Variants in FSTL4 observed in about 807,000 individuals in gnomAD.
FSTL4 encodes follistatin like 4, also known as follistatin-related protein 4.
FSTL4 carries 28 observed loss-of-function variants against 78.2 expected under a neutral mutation model. That is an observed-to-expected ratio of 0.36 (90% confidence interval 0.27 to 0.49). The LOEUF (loss-of-function observed/expected upper bound fraction) is 0.49, where lower values mean the gene tolerates loss of function less well. Ranked by LOEUF, FSTL4 falls within the 20% of genes least tolerant of loss-of-function variation. The probability of loss-of-function intolerance (pLI) is 0.98; values close to 1 mark genes in which losing one functional copy is unlikely to be tolerated. For missense variants in FSTL4, 922 were observed against 1,084.9 expected (o/e 0.85, Z 2.11); for synonymous variants, 422 against 440.5 (o/e 0.96, Z 0.53).
the FSTL4 span, among the ~76,000 whole-genome samples, chr5:133,823,310 G>A: frequency 6.6e-6 from 1 of 152,144 alleles, no homozygotes; most frequent in Non-Finnish European, 1.5e-5. Context: ...AGCCCTGCTG[G>A]TCCCCTGAGC....
intron 3 of FSTL4, among the ~76,000 whole-genome samples, chr5:133,421,194 G>C (rs763540400): frequency 6.6e-6 from 1 of 152,250 alleles, no homozygotes; most frequent in Non-Finnish European, 1.5e-5. Flanking sequence ...GCGGGGCAAG[G>C]GTATGGCTGT....
chr5:133,230,013 G>T (rs1273375727), intron 8 of FSTL4, among the ~76,000 whole-genome samples: 1 of 152,184 alleles, frequency 6.6e-6, no homozygotes, highest in Admixed American at 6.5e-5. Flanking sequence ...CTTCACCCAG[G>T]AAGTGCTTCC....
intron 4 of FSTL4, among the ~76,000 whole-genome samples, chr5:133,375,311 T>TATATATATATATATATAA (rs1298027325): frequency 1.4e-5 from 2 of 138,462 alleles, no homozygotes; most frequent in Admixed American, 1.5e-4. Context: ...TATATATATA[T>TATATATATATATATATAA]AAAAGACTCT....
intron 4 of FSTL4, among the ~76,000 whole-genome samples, chr5:133,333,005 GT>G (rs1754382628): frequency 6.6e-6 from 1 of 151,152 alleles, no homozygotes; most frequent in Non-Finnish European, 1.5e-5. Context: ...CTCTCTCTCT[GT>G]CTCTCTCTCT....
chr5:133,237,009 G>C (rs1298674663), intron 7 of FSTL4, among the ~76,000 whole-genome samples: 1 of 152,198 alleles, frequency 6.6e-6, no homozygotes, highest in Admixed American at 6.5e-5. Flanking sequence ...AAAAATAGCT[G>C]TCGAGGGGAC....
At chr5:133,231,835 G>A (rs375342168) in intron 8 of FSTL4, among the ~76,000 whole-genome samples, 6 of 152,228 alleles carry the variant, frequency 3.9e-5, no homozygotes, top group South Asian at 4.2e-4. Context: ...CCAGCACACC[G>A]GCCTCATTTT....
At chr5:133,375,291 CATATATATAT>C (rs3975738) in intron 4 of FSTL4, among the ~76,000 whole-genome samples, 2 of 57,950 alleles carry the variant, frequency 3.5e-5, no homozygotes, top group Admixed American at 2.5e-4. Flanking sequence ...GTGTGCATGG[CATATATATAT>C]ATATATATAT....
chr5:133,694,045 G>A, the FSTL4 span, among the ~76,000 whole-genome samples: 11 of 152,206 alleles, frequency 7.2e-5, no homozygotes, highest in African/African-American at 1.2e-4. Flanking sequence ...TCCAGTCCAG[G>A]TAACACCTAA....
intron 6 of FSTL4, among the ~76,000 whole-genome samples, chr5:133,293,326 C>A (rs768077004): frequency 6.6e-6 from 1 of 152,242 alleles, no homozygotes; most frequent in Non-Finnish European, 1.5e-5. Context: ...TCTACAGTCT[C>A]TGGAGTTTCC....
At chr5:133,472,705 G>A (rs559262202) in intron 3 of FSTL4, among the ~76,000 whole-genome samples, 1 of 152,206 alleles carries the variant, frequency 6.6e-6, no homozygotes, top group Admixed American at 6.5e-5. Context: ...ATGTAAATGC[G>A]ATTTATTTGT....
the FSTL4 span, among the ~76,000 whole-genome samples, chr5:133,669,345 C>A: frequency 6.6e-6 from 1 of 152,232 alleles, no homozygotes; most frequent in Admixed American, 6.5e-5. Flanking sequence ...CCAGGCTGGC[C>A]ACCCTGCACC....
chr5:133,827,253 A>T, the FSTL4 span, among the ~76,000 whole-genome samples: 3 of 152,174 alleles, frequency 2.0e-5, no homozygotes, highest in Admixed American at 2.0e-4. Flanking sequence ...AAGCCAACTA[A>T]GTGAGCCCCC....
the FSTL4 span, among the ~76,000 whole-genome samples, chr5:133,661,238 C>T: frequency 6.6e-6 from 1 of 152,242 alleles, no homozygotes; most frequent in African/African-American, 2.4e-5. Flanking sequence ...GATCCGCCCG[C>T]CTCAGCCTCC....
intron 4 of FSTL4, among the ~76,000 whole-genome samples, chr5:133,359,191 A>G (rs1199388079): frequency 3.3e-5 from 5 of 152,166 alleles, no homozygotes; most frequent in African/African-American, 1.2e-4. Context: ...TCTCACTAAT[A>G]TTGGTAATGC....
intron 6 of FSTL4, among the ~76,000 whole-genome samples, chr5:133,277,565 T>A (rs1264633992): frequency 6.6e-6 from 1 of 152,120 alleles, no homozygotes; most frequent in Non-Finnish European, 1.5e-5. Context: ...AAACAGCAAA[T>A]AGAATCTTTA....
chr5:133,451,398 TA>T (rs535030899), intron 3 of FSTL4, among the ~76,000 whole-genome samples: 192 of 144,396 alleles, frequency 1.3e-3, no homozygotes, highest in Middle Eastern at 3.6e-3. Context: ...CTGTCTCTAC[TA>T]AAAAAAAAAA....
At chr5:133,627,417 A>G in the FSTL4 span, among the ~76,000 whole-genome samples, 2 of 152,166 alleles carry the variant, frequency 1.3e-5, no homozygotes, top group African/African-American at 4.8e-5. Flanking sequence ...TCATACCATA[A>G]GAACAGTATG....
the FSTL4 span, among the ~76,000 whole-genome samples, chr5:133,753,706 T>TGG: frequency 7.8e-6 from 1 of 128,180 alleles, no homozygotes; most frequent in African/African-American, 2.8e-5. Flanking sequence ...TGTGTGTGTG[T>TGG]GTGTGTGTGT....
chr5:133,280,788 G>A (rs191761802), intron 6 of FSTL4, among the ~76,000 whole-genome samples: 8 of 152,254 alleles, frequency 5.3e-5, no homozygotes, highest in Middle Eastern at 3.4e-3. Flanking sequence ...TTCCAGCCAC[G>A]CTGGCCTGCC....
Sources: gnomAD v4.1 joint callset for allele counts (sites outside exome capture counted in the v4.1 genomes callset) on GRCh38, gnomAD v4.1.1 for gene constraint, MANE v1.5 for transcripts, NCBI Gene and HGNC (gene_info 2026-07-23, HGNC 2026-07-21) for gene names.